Variants in ARL15 observed in about 807,000 individuals in gnomAD.
ARL15 encodes ARF like GTPase 15, also known as ADP-ribosylation factor-like protein 15.
A neutral mutation model predicts 25.2 loss-of-function variants in ARL15; 19 were observed. The observed-to-expected ratio is 0.75, with a 90% CI of 0.53 to 1.10. The LOEUF (loss-of-function observed/expected upper bound fraction) is 1.10, where lower values mean the gene tolerates loss of function less well. Ranked by LOEUF, ARL15 falls within the 50% of genes least tolerant of loss-of-function variation. The pLI, the probability that ARL15 is intolerant of heterozygous loss-of-function variation, is 0.00. For missense variants in ARL15, 220 were observed against 246.0 expected, an observed-to-expected ratio of 0.89 and a Z score of 0.71; for synonymous variants, 94 against 86.8, an observed-to-expected ratio of 1.08 and a Z score of -0.46.
At chr5:54,308,493 A>G (rs2112728884) in intron 1 of ARL15, among the ~76,000 whole-genome samples, 1 of 152,364 alleles carries the variant, frequency 6.6e-6, no homozygotes, top group African/African-American at 2.4e-5. Flanking sequence ...TTTTGACACA[A>G]AGCTGTTAGT....
intron 4 of ARL15, among the ~76,000 whole-genome samples, chr5:54,107,619 A>T (rs1472818445): frequency 2.0e-5 from 3 of 152,128 alleles, no homozygotes; most frequent in Non-Finnish European, 4.4e-5. Flanking sequence ...TGAGACTGTG[A>T]AAAGTCTAGA....
At position 54,260,899 on chromosome 5, in the gene ARL15, T is replaced by C. The variant is rs9885486; in HGVS notation, c.48+49533A>G. Among the ~76,000 whole-genome samples the C allele has an allele frequency of 4.5e-3, 680 of 152,276 alleles. 6 individuals are homozygous for C. The highest frequency in any genetic ancestry group is 0.015 in the African/African-American group (641 of 41,548). On this transcript the variant is annotated intron_variant, in intron 1 of 4. Transcript: ENST00000504924. ...CACCAATCCCCCAAGTATCCCAATCTCAGAACTTGGAATATAGCCTGGATA... is the reference window on the plus strand; with the variant it reads ...CACCAATCCCCCAAGTATCCCAATCCCAGAACTTGGAATATAGCCTGGATA...
intron 4 of ARL15, among the ~76,000 whole-genome samples, chr5:54,009,586 T>G (rs1749166560): frequency 1.3e-5 from 2 of 152,238 alleles, no homozygotes. Context: ...CACTATGGAC[T>G]GCGAATATTG....
At chr5:54,209,035 C>G (rs946738113) in intron 1 of ARL15, among the ~76,000 whole-genome samples, 2 of 152,120 alleles carry the variant, frequency 1.3e-5, no homozygotes, top group Admixed American at 6.5e-5. Flanking sequence ...CAATGACTAA[C>G]TCAAGAGAAA....
At chr5:53,951,644 T>G (rs1053636458) in intron 4 of ARL15, 3 of 416,226 alleles carry the variant, frequency 7.2e-6, no homozygotes, top group African/African-American at 6.5e-5. Flanking sequence ...ACTCCTTCCC[T>G]ATATATTTTC....
intron 2 of ARL15, among the ~76,000 whole-genome samples, chr5:54,167,221 G>A (rs966737533): frequency 2.0e-5 from 3 of 152,128 alleles, no homozygotes; most frequent in African/African-American, 7.2e-5. Context: ...TGAATATTTT[G>A]CTGGATACTC....
At chr5:54,304,363 C>T (rs1268664429) in intron 1 of ARL15, among the ~76,000 whole-genome samples, 18 of 152,198 alleles carry the variant, frequency 1.2e-4, no homozygotes, top group Non-Finnish European at 1.5e-5. Flanking sequence ...AGTAAGTGTT[C>T]AATAAATGTT....
chr5:54,193,409 C>G (rs1202418027), intron 1 of ARL15, among the ~76,000 whole-genome samples: 1 of 152,168 alleles, frequency 6.6e-6, no homozygotes, highest in Non-Finnish European at 1.5e-5. Flanking sequence ...CTGTTCGGAA[C>G]CAGGCCTCAC....
chr5:53,960,243 A>AGGTAG (rs1747317220), intron 4 of ARL15, among the ~76,000 whole-genome samples: 1 of 152,254 alleles, frequency 6.6e-6, no homozygotes, highest in Non-Finnish European at 1.5e-5. Context: ...TAGAAGAGAT[A>AGGTAG]AACATTTCCT....
intron 3 of ARL15, among the ~76,000 whole-genome samples, chr5:54,126,634 G>A (rs1442562044): frequency 1.3e-5 from 2 of 152,158 alleles, no homozygotes; most frequent in Non-Finnish European, 2.9e-5. Context: ...CTTAGGTCAT[G>A]AGGGATTCAC....
At chr5:53,977,519 T>C (rs1747979299) in intron 4 of ARL15, among the ~76,000 whole-genome samples, 1 of 152,172 alleles carries the variant, frequency 6.6e-6, no homozygotes. Flanking sequence ...AGTGTTCCCA[T>C]CAAATCTGTG....
intron 4 of ARL15, among the ~76,000 whole-genome samples, chr5:53,974,450 T>C (rs926683774): frequency 1.3e-5 from 2 of 152,246 alleles, no homozygotes; most frequent in Non-Finnish European, 2.9e-5. Flanking sequence ...TAGACATTAA[T>C]TATTTTAAAA....
chr5:53,909,987 C>T (rs887076612), intron 4 of ARL15, among the ~76,000 whole-genome samples: 4 of 152,096 alleles, frequency 2.6e-5, no homozygotes, highest in Non-Finnish European at 5.9e-5. Context: ...GGATTTTTAT[C>T]TTATCTAAGC....
chr5:54,287,250 C>G (rs1473963536), intron 1 of ARL15, among the ~76,000 whole-genome samples: 1 of 152,006 alleles, frequency 6.6e-6, no homozygotes, highest in African/African-American at 2.4e-5. Context: ...AGACCAAACC[C>G]TAGCATCAGT....
chr5:54,001,413 C>T (rs1748845676), intron 4 of ARL15, among the ~76,000 whole-genome samples: 1 of 152,200 alleles, frequency 6.6e-6, no homozygotes, highest in South Asian at 2.1e-4. Flanking sequence ...TTCTCAACTA[C>T]TCCATGATGA....
At chr5:53,942,575 G>A (rs185910065) in intron 4 of ARL15, among the ~76,000 whole-genome samples, 89 of 152,168 alleles carry the variant, frequency 5.8e-4, no homozygotes, top group South Asian at 4.2e-4. Context: ...GTGAAACCCC[G>A]TCTCTACTAA....
Position 54,113,188 on chromosome 5 carries a change from C to A in ARL15, c.462+14G>T. ...GCAAGGAAGACAAAGAGTTGTCATG[C>A]TAATGAGACATACCTCTTGTACTGA... On this transcript the variant is annotated intron_variant, in intron 4 of 4. Coordinates refer to ENST00000504924, the MANE Select transcript of ARL15 (RefSeq NM_019087.3). The A allele has an allele frequency of 6.2e-7, 1 of 1,611,366 alleles. No individual in the cohort carries two copies. The highest frequency in any genetic ancestry group is 8.5e-7 in the Non-Finnish European group (1 of 1,179,214).
At chr5:54,153,036 A>G (rs1401301866) in intron 3 of ARL15, among the ~76,000 whole-genome samples, 1 of 150,588 alleles carries the variant, frequency 6.6e-6, no homozygotes, top group Non-Finnish European at 1.5e-5. Context: ...AGTTTCTTAT[A>G]CCTGGAAGGT....
intron 1 of ARL15, among the ~76,000 whole-genome samples, chr5:54,252,417 C>T (rs1579953276): frequency 6.6e-6 from 1 of 152,132 alleles, no homozygotes; most frequent in African/African-American, 2.4e-5. Flanking sequence ...AAAAGGAAAA[C>T]ACTTGCTACT....
Sources: gnomAD v4.1 joint callset for allele counts (sites outside exome capture counted in the v4.1 genomes callset) on GRCh38, gnomAD v4.1.1 for gene constraint, MANE v1.5 for transcripts, NCBI Gene and HGNC (gene_info 2026-07-23, HGNC 2026-07-21) for gene names.